KCNMA1: variants seen among roughly 807,000 people sequenced by gnomAD.
KCNMA1 encodes Calcium-activated potassium channel subunit alpha-1.
A neutral mutation model predicts 140.0 loss-of-function variants in KCNMA1; 29 were observed. The observed-to-expected ratio is 0.21, with a 90% CI of 0.15 to 0.28. The LOEUF (loss-of-function observed/expected upper bound fraction) is 0.28, where lower values mean the gene tolerates loss of function less well. Ranked by LOEUF, KCNMA1 falls within the 10% of genes least tolerant of loss-of-function variation. KCNMA1 has a pLI of 1.00. For synonymous variants in KCNMA1, 612 were observed against 611.9 expected, an observed-to-expected ratio of 1.00 and a Z score of 0.00; for missense variants, 880 against 1,602.2, an observed-to-expected ratio of 0.55 and a Z score of 7.70.
intron 3 of KCNMA1, among the ~76,000 whole-genome samples, chr10:77,212,235 G>A (rs1428936562): frequency 6.6e-6 from 1 of 152,052 alleles, no homozygotes; most frequent in Non-Finnish European, 1.5e-5. Flanking sequence ...AAGAAAATGT[G>A]GTACATACAC....
intron 18 of KCNMA1, among the ~76,000 whole-genome samples, chr10:77,004,136 A>C (rs935899845): frequency 4.0e-5 from 6 of 151,758 alleles, no homozygotes; most frequent in Admixed American, 2.0e-4. Context: ...ACATGCTATT[A>C]CTTGTCATTC....
intron 1 of KCNMA1, among the ~76,000 whole-genome samples, chr10:77,571,736 G>A (rs1196493909): frequency 6.6e-6 from 1 of 152,100 alleles, no homozygotes; most frequent in Non-Finnish European, 1.5e-5. Flanking sequence ...TTCAATCCTG[G>A]CTTAAAGCCT....
At chr10:76,870,670 GA>G in exon 28 of KCNMA1, 1 of 152,400 alleles carries the variant, frequency 6.6e-6, no homozygotes, top group Non-Finnish European at 1.5e-5. Flanking sequence ...ACAGGAAGGT[GA>G]AAGGAGATGC....
At chr10:77,072,119 A>G (rs2096238185) in intron 14 of KCNMA1, among the ~76,000 whole-genome samples, 1 of 152,212 alleles carries the variant, frequency 6.6e-6, no homozygotes, top group Non-Finnish European at 1.5e-5. Context: ...TGACTCATGA[A>G]CTTTCTAAGG....
intron 2 of KCNMA1, among the ~76,000 whole-genome samples, chr10:77,352,279 T>C (rs924493917): frequency 3.9e-5 from 6 of 152,228 alleles, no homozygotes; most frequent in African/African-American, 1.4e-4. Context: ...CCTTTGGAAA[T>C]CACAGAGGAA....
In KCNMA1 at chr10:77,112,348, G is replaced by T; in HGVS notation, c.960+19C>A. ...TGTTGCAGGCAAGCGAGAGCAGAAGGGTCTTCAAGGTTACTCACCAAATGG... is the reference window on the plus strand; with the variant it reads ...TGTTGCAGGCAAGCGAGAGCAGAAGTGTCTTCAAGGTTACTCACCAAATGG... On this transcript the variant is annotated intron_variant, in intron 7 of 27. Coordinates refer to ENST00000286628, the MANE Select transcript of KCNMA1 (RefSeq NM_001161352.2). 1.3e-6 allele frequency: 2 copies of T among 1,585,824 alleles called. No homozygotes were observed. Among genetic ancestry groups the T allele is most frequent in the Non-Finnish European group, 1.7e-6 (2 of 1,154,202 alleles).
At chr10:77,282,329 C>T (rs571402332) in intron 2 of KCNMA1, among the ~76,000 whole-genome samples, 1 of 152,290 alleles carries the variant, frequency 6.6e-6, no homozygotes, top group Non-Finnish European at 1.5e-5. Context: ...GGTGAACCTT[C>T]CTCTGTGCCA....
chr10:77,220,541 T>C (rs1028348296), intron 3 of KCNMA1, among the ~76,000 whole-genome samples: 4 of 152,202 alleles, frequency 2.6e-5, no homozygotes. Context: ...GGAGAGCAGA[T>C]AAGTGATAAG....
intron 1 of KCNMA1, among the ~76,000 whole-genome samples, chr10:77,527,791 A>C (rs2056330045): frequency 6.6e-6 from 1 of 152,160 alleles, no homozygotes; most frequent in South Asian, 2.1e-4. Flanking sequence ...AGGAAAGAAC[A>C]CAGGGTGGAG....
chr10:77,126,132 T>C (rs1203010528), intron 5 of KCNMA1, among the ~76,000 whole-genome samples: 1 of 152,206 alleles, frequency 6.6e-6, no homozygotes, highest in Non-Finnish European at 1.5e-5. Context: ...TATCTTTTAT[T>C]ATTTTTATTC....
chr10:77,162,061 T>G (rs1030526364), intron 5 of KCNMA1, among the ~76,000 whole-genome samples: 1 of 152,224 alleles, frequency 6.6e-6, no homozygotes, highest in African/African-American at 2.4e-5. Flanking sequence ...AGAAGCACAC[T>G]GATTCTAGTT....
At chr10:77,340,419 T>C (rs1318375759) in intron 2 of KCNMA1, among the ~76,000 whole-genome samples, 1 of 152,206 alleles carries the variant, frequency 6.6e-6, no homozygotes, top group African/African-American at 2.4e-5. Flanking sequence ...ACATGTATGT[T>C]TATTGTGGCA....
At chr10:76,870,014 T>G (rs1024910935) in exon 28 of KCNMA1, 1 of 152,648 alleles carries the variant, frequency 6.6e-6, no homozygotes, top group Non-Finnish European at 1.5e-5. Flanking sequence ...TTAGGCAGGA[T>G]GTGATTGTGC....
At chr10:77,241,814 A>T (rs1026074042) in intron 3 of KCNMA1, among the ~76,000 whole-genome samples, 1 of 152,180 alleles carries the variant, frequency 6.6e-6, no homozygotes, top group African/African-American at 2.4e-5. Flanking sequence ...CCGTGTCTCT[A>T]AAAATAATAG....
chr10:76,944,760 A>G lies in KCNMA1; in HGVS notation c.2902+13T>C, dbSNP rs1013542843. On this transcript the variant is annotated intron_variant, in intron 23 of 27. Coordinates refer to ENST00000286628, the MANE Select transcript of KCNMA1 (RefSeq NM_001161352.2). ...TGCAGGCACAGCAAAGAAGTATTACAGGCTGTCCTTACCTTGGGAATTAGC... is the reference window on the plus strand; with the variant it reads ...TGCAGGCACAGCAAAGAAGTATTACGGGCTGTCCTTACCTTGGGAATTAGC... 6.2e-7 allele frequency: 1 copy of G among 1,612,274 alleles called. No homozygotes were observed. The highest frequency in any genetic ancestry group is 2.2e-5 in the East Asian group (1 of 44,876).
intron 2 of KCNMA1, among the ~76,000 whole-genome samples, chr10:77,401,314 A>G (rs2096257899): frequency 6.6e-6 from 1 of 151,616 alleles, no homozygotes; most frequent in East Asian, 1.9e-4. Context: ...CCGCCACCAC[A>G]CTGGCTAATT....
At chr10:77,520,510 C>G (rs1422215518) in intron 1 of KCNMA1, among the ~76,000 whole-genome samples, 2 of 152,034 alleles carry the variant, frequency 1.3e-5, no homozygotes, top group Non-Finnish European at 2.9e-5. Flanking sequence ...TAGCAGCACT[C>G]TCTAAGTATT....
At chr10:77,125,658 C>T (rs2097715899) in intron 5 of KCNMA1, among the ~76,000 whole-genome samples, 1 of 152,200 alleles carries the variant, frequency 6.6e-6, no homozygotes, top group African/African-American at 2.4e-5. Context: ...TATGTGGTTA[C>T]TTTCTGCCTT....
Position 77,596,353 on chromosome 10 carries a change from C to T in KCNMA1, c.378+40912G>A, listed in dbSNP as rs117747219. Among the ~76,000 whole-genome samples, 353 of 152,236 alleles carry T rather than the reference C, an allele frequency of 2.3e-3. 7 individuals carry two copies. In the South Asian group the frequency reaches 0.025, roughly 11 times the overall value. ...TCTAGAAATCTATCCAAAAGAAATC[C>T]TCATACATGCATAAAAAGACTCATA... On this transcript the variant is annotated intron_variant, in intron 1 of 27. Transcript: ENST00000286628.
Sources: gnomAD v4.1 joint callset for allele counts (sites outside exome capture counted in the v4.1 genomes callset) on GRCh38, gnomAD v4.1.1 for gene constraint, MANE v1.5 for transcripts, NCBI Gene and HGNC (gene_info 2026-07-23, HGNC 2026-07-21) for gene names.